Variants in SNX8 observed in about 807,000 individuals in gnomAD.
SNX8 encodes the protein sorting nexin-8.
A neutral mutation model predicts 51.6 loss-of-function variants in SNX8; 25 were observed. The observed-to-expected ratio is 0.48, with a 90% confidence interval of 0.35 to 0.68. The LOEUF (loss-of-function observed/expected upper bound fraction) is 0.68, where lower values mean the gene tolerates loss of function less well. Ranked by LOEUF, SNX8 falls within the 30% of genes least tolerant of loss-of-function variation. SNX8 has a pLI of 0.00. For synonymous variants in SNX8, 324 were observed against 277.0 expected, an observed-to-expected ratio of 1.17 and a Z score of -1.68; for missense variants, 695 against 624.0, an observed-to-expected ratio of 1.11 and a Z score of -1.21.
chr7:2,299,844 C>T (rs1188923920), intron 1 of SNX8, among the ~76,000 whole-genome samples: 2 of 152,040 alleles, frequency 1.3e-5, no homozygotes, highest in African/African-American at 2.4e-5. Flanking sequence ...CCTTCATTGG[C>T]CACCAAATAA....
At chr7:2,331,555 A>G (rs1029988275) in intron 1 of SNX8, among the ~76,000 whole-genome samples, 2 of 151,858 alleles carry the variant, frequency 1.3e-5, no homozygotes, top group African/African-American at 2.4e-5. Flanking sequence ...AATACAAAAA[A>G]TTAGCCGGGC....
intron 1 of SNX8, chr7:2,309,863 C>CTT: frequency 2.1e-6 from 1 of 471,072 alleles, no homozygotes; most frequent in South Asian, 1.5e-5. Flanking sequence ...GCATGGAAGT[C>CTT]GCCCAGGCAA....
intron 1 of SNX8, among the ~76,000 whole-genome samples, chr7:2,350,117 A>G (rs1012287365): frequency 6.6e-6 from 1 of 152,210 alleles, no homozygotes; most frequent in African/African-American, 2.4e-5. Flanking sequence ...CCCCACGCTC[A>G]GAACCTGGTT....
chr7:2,255,547 G>C (rs1190019196), intron 10 of SNX8, among the ~76,000 whole-genome samples: 9 of 152,180 alleles, frequency 5.9e-5, no homozygotes, highest in Non-Finnish European at 1.3e-4. Context: ...AGGCCAGCCT[G>C]GGCAACACAC....
At chr7:2,264,267 G>A (rs369539984) in intron 6 of SNX8, 31 bp downstream of exon 6, 45 of 1,593,260 alleles carry the variant, frequency 2.8e-5, no homozygotes, top group Middle Eastern at 3.3e-4. Context: ...CCCACCGCGC[G>A]TGCCCCTGCA....
chr7:2,334,692 T>TG (rs1778793633), intron 1 of SNX8, among the ~76,000 whole-genome samples: 1 of 150,928 alleles, frequency 6.6e-6, no homozygotes, highest in East Asian at 2.0e-4. Context: ...AGAGAGAGAC[T>TG]CGGTCTCAAA....
At chr7:2,287,706 G>C (rs1016276418) in intron 1 of SNX8, among the ~76,000 whole-genome samples, 1 of 151,652 alleles carries the variant, frequency 6.6e-6, no homozygotes, top group African/African-American at 2.4e-5. Context: ...AGCTGAGATC[G>C]CACCACACTG....
intron 1 of SNX8, among the ~76,000 whole-genome samples, chr7:2,344,716 T>C (rs1198891248): frequency 2.6e-5 from 4 of 151,662 alleles, no homozygotes. Flanking sequence ...TTCAGGATCA[T>C]CTGAGGACAG....
At chr7:2,339,794 A>G (rs917762894) in intron 1 of SNX8, among the ~76,000 whole-genome samples, 4 of 152,152 alleles carry the variant, frequency 2.6e-5, no homozygotes, top group South Asian at 2.1e-4. Flanking sequence ...AATTAGATAT[A>G]TAAGAACAGA....
intron 1 of SNX8, among the ~76,000 whole-genome samples, chr7:2,297,757 A>G (rs1400894718): frequency 6.6e-6 from 1 of 151,720 alleles, no homozygotes; most frequent in African/African-American, 2.4e-5. Flanking sequence ...ATGAGACTGG[A>G]GGCCATTATC....
chr7:2,264,359 G>C lies in SNX8; in HGVS notation c.721C>G (p.Arg241Gly). Reference sequence around the variant, plus strand: ...TTGTCGATGGCCCGCGATGCGATCCGCTCGGCCCTGTCGCGAAGCTTGTGA... The same window carrying C: ...TTGTCGATGGCCCGCGATGCGATCCCCTCGGCCCTGTCGCGAAGCTTGTGA... Reference protein sequence around the residue: ...SFHKLRDRAERIASRAIDNAA... With the variant: ...SFHKLRDRAEGIASRAIDNAA... The change falls in exon 6 of 11, where the codon CGG becomes GGG. Residue 241 changes from arginine to glycine, a missense_variant. Physicochemically the swap from Arg to Gly is moderately radical, Grantham distance 125. Coordinates refer to ENST00000222990, the MANE Select transcript of SNX8 (RefSeq NM_013321.4). The C allele has an allele frequency of 6.2e-7, 1 of 1,612,850 alleles. No individual in the cohort carries two copies. Among genetic ancestry groups the C allele is most frequent in the Non-Finnish European group, 8.5e-7 (1 of 1,179,954 alleles).
At chr7:2,279,752 C>CA (rs1377905216) in intron 1 of SNX8, among the ~76,000 whole-genome samples, 11 of 77,730 alleles carry the variant, frequency 1.4e-4, no homozygotes, top group Non-Finnish European at 2.2e-4. Flanking sequence ...GACCCTGTCT[C>CA]AAAAAAAAAG....
chr7:2,326,393 C>T (rs756637636), intron 1 of SNX8, among the ~76,000 whole-genome samples: 5 of 151,926 alleles, frequency 3.3e-5, no homozygotes, highest in South Asian at 2.1e-4. Flanking sequence ...GGGCCGGGCA[C>T]GGTGGCTCAC....
intron 1 of SNX8, among the ~76,000 whole-genome samples, chr7:2,286,397 T>C (rs373187990): frequency 8.2e-4 from 125 of 152,312 alleles, no homozygotes; most frequent in African/African-American, 2.9e-3. Flanking sequence ...TTTAATGTGA[T>C]GTAACATTAA....
chr7:2,314,016 C>A (rs1297130862), intron 1 of SNX8, among the ~76,000 whole-genome samples: 1 of 152,328 alleles, frequency 6.6e-6, no homozygotes, highest in East Asian at 1.9e-4. Context: ...GGAAACTGTC[C>A]CCGAGGACGC....
chr7:2,294,963 C>G (rs932111847), intron 1 of SNX8, among the ~76,000 whole-genome samples: 5 of 152,092 alleles, frequency 3.3e-5, no homozygotes, highest in Non-Finnish European at 7.4e-5. Flanking sequence ...CCCAGGAGTT[C>G]AAGGCTACAG....
chr7:2,344,256 AAG>A (rs1183042694), intron 1 of SNX8, among the ~76,000 whole-genome samples: 1 of 151,752 alleles, frequency 6.6e-6, no homozygotes, highest in Non-Finnish European at 1.5e-5. Context: ...CCAAGGTGGG[AAG>A]ATCGCTTGAG....
chr7:2,267,011 G>A (rs183258708), intron 5 of SNX8, among the ~76,000 whole-genome samples: 4 of 152,322 alleles, frequency 2.6e-5, no homozygotes, highest in African/African-American at 9.6e-5. Flanking sequence ...CAGAGGGCAC[G>A]AGGTGCCTGG....
At chr7:2,343,446 C>T (rs986166262) in intron 1 of SNX8, among the ~76,000 whole-genome samples, 14 of 151,532 alleles carry the variant, frequency 9.2e-5, no homozygotes, top group African/African-American at 2.9e-4. Flanking sequence ...GAGGCCGAGG[C>T]GGGCGGATCA....
Sources: allele counts gnomAD v4.1 joint callset (sites outside exome capture counted in the v4.1 genomes callset), GRCh38; gene constraint gnomAD v4.1.1; transcripts MANE v1.5; gene names NCBI Gene and HGNC (gene_info 2026-07-23, HGNC 2026-07-21).